Variants in STAC2 observed in about 807,000 individuals in gnomAD.
STAC2 encodes SH3 and cysteine rich domain 2.
Under a neutral mutation model 49.0 loss-of-function variants are expected in STAC2, and 36 were observed. That is an observed-to-expected ratio of 0.74 (90% CI 0.56 to 0.97). The LOEUF is 0.97. Ranked by LOEUF, STAC2 falls within the 50% of genes least tolerant of loss-of-function variation. The probability of loss-of-function intolerance (pLI) is 0.00; values close to 1 mark genes in which losing one functional copy is unlikely to be tolerated. For missense variants in STAC2, 527 were observed against 543.8 expected, an observed-to-expected ratio of 0.97 and a Z score of 0.31; for synonymous variants, 239 against 214.7, an observed-to-expected ratio of 1.11 and a Z score of -0.99.
At position 39,225,555 on chromosome 17, in the gene STAC2, C is replaced by T; in HGVS notation, c.-53G>A. 6.4e-6 allele frequency: 10 copies of T among 1,564,686 alleles called. No homozygotes were observed. The highest frequency in any genetic ancestry group is 7.9e-6 in the Non-Finnish European group (9 of 1,143,734). ...CCGAGATCCGACGGCAGGCCCACCG[C>T]GGGCAGGCTGCGGGTGGCGGGCGTC... is the stretch of plus-strand genomic sequence containing the variant. On this transcript the variant is annotated 5_prime_UTR_variant, in exon 1 of 11. Coordinates refer to ENST00000333461, the MANE Select transcript of STAC2 (RefSeq NM_198993.5). This position sits in a 1 kb window ranked among gnomAD's most constrained non-coding sequence, Gnocchi z 8.2.
chr17:39,218,182 A>G lies in STAC2; in HGVS notation c.91-9T>C, dbSNP rs1449376766. 2 of 1,613,146 alleles carry G rather than the reference A, an allele frequency of 1.2e-6. No homozygotes were observed. Among genetic ancestry groups the G allele is most frequent in the Non-Finnish European group, 1.7e-6 (2 of 1,179,976 alleles). ...CGCTTGAATCGCTGGAGCTGGGAGA[A>G]AAAGAGGGAGCTGTGAGTGGGAGCC... On this transcript the variant is annotated splice_polypyrimidine_tract_variant and intron_variant, in intron 1 of 10. Coordinates refer to ENST00000333461, the MANE Select transcript of STAC2 (RefSeq NM_198993.5).
Position 39,217,045 on chromosome 17 carries a change from G to T in STAC2, c.495+31C>A, listed in dbSNP as rs778947659. On this transcript the variant is annotated intron_variant, in intron 3 of 10. Transcript: ENST00000333461. The stretch of plus-strand genomic sequence containing the variant: ...CATGTGACAGTACTGGCAGCACTCA[G>T]CTGGCCATCTCTGCCTGGGTCCCCG... 6.2e-6 allele frequency: 10 copies of T among 1,610,686 alleles called. No individual in the cohort carries two copies. The East Asian group carries it at 2.2e-4, about 36-fold the overall frequency.
chr17:39,219,240 T>TTTCTCAATTCATTGAGAATTGAGAA (rs1250810852), intron 1 of STAC2, among the ~76,000 whole-genome samples: 3 of 149,978 alleles, frequency 2.0e-5, no homozygotes, highest in South Asian at 2.1e-4. Context: ...CAGAAACTCA[T>TTTCTCAATTCATTGAGAATTGAGAA]TTCTCAATTC....
chr17:39,225,399 GC>G lies in STAC2; in HGVS notation c.90+13del, dbSNP rs748877237. 28 of 1,594,454 alleles carry G rather than the reference GC, an allele frequency of 1.8e-5. No individual in the cohort carries two copies. The African/African-American group carries it at 3.3e-4, about 19-fold the overall frequency. On this transcript the variant is annotated intron_variant, in intron 1 of 10. Coordinates refer to ENST00000333461, the MANE Select transcript of STAC2 (RefSeq NM_198993.5). The surrounding 1 kb of genome is among the most constrained non-coding windows in gnomAD (Gnocchi z 8.2). ...GGCCCGGGGCGCGGACAGGCCTTGC[GC>G]CCCCCAAGTTACCTTGGTTTCCTGG...
chr17:39,210,999 A>G lies in STAC2; in HGVS notation c.*1293T>C, dbSNP rs910990075. On this transcript the variant is annotated 3_prime_UTR_variant, in exon 11 of 11. Transcript: ENST00000333461. Reference sequence around the variant, plus strand: ...TTTCCCAGGGCTCTGTGTCCAGAACAAGGGAGCAGATAAAGCCAGCAAAGG... The same window carrying G: ...TTTCCCAGGGCTCTGTGTCCAGAACGAGGGAGCAGATAAAGCCAGCAAAGG... The G allele has an allele frequency of 6.6e-6, 1 of 152,534 alleles. No individual in the cohort carries two copies. Among genetic ancestry groups the G allele is most frequent in the African/African-American group, 2.4e-5 (1 of 41,406 alleles). The allele number at this position is 152,534 out of a possible 1,614,324, so 9.4% of individuals were successfully genotyped here.
At position 39,213,548 on chromosome 17, in the gene STAC2, G is replaced by A. The variant is rs140834210; in HGVS notation, c.952C>T (p.Arg318Trp). ...TTAGAGTCATCCACCAGCATGATCCGATCTCCAGGCCTGGGGAGGACAGAG... is the reference window on the plus strand; with the variant it reads ...TTAGAGTCATCCACCAGCATGATCCAATCTCCAGGCCTGGGGAGGACAGAG... ...NNDLALQPGD[R>W]IMLVDDSNED... The change falls in exon 9 of 11, where the codon CGG becomes TGG. Residue 318 changes from arginine (R) to tryptophan (W), a missense_variant. Coordinates refer to ENST00000333461, the MANE Select transcript of STAC2 (RefSeq NM_198993.5). 3.3e-5 allele frequency: 54 copies of A among 1,613,758 alleles called. No individual in the cohort carries two copies. The highest frequency in any genetic ancestry group is 5.3e-5 in the African/African-American group (4 of 75,008).
At position 39,225,594 on chromosome 17, in the gene STAC2, A is replaced by G. The variant is rs1196652422; in HGVS notation, c.-92T>C. ...GTGGCGGGCGTCTCCGGGACTCTGA[A>G]GCCGTTCTCCAGAGGCTGCCCCCAG... On this transcript the variant is annotated 5_prime_UTR_variant, in exon 1 of 11. Transcript: ENST00000333461. This position sits in a 1 kb window ranked among gnomAD's most constrained non-coding sequence, Gnocchi z 8.2. 4.0e-6 allele frequency: 5 copies of G among 1,261,058 alleles called. No homozygotes were observed. In the African/African-American group the frequency reaches 6.0e-5, roughly 15 times the overall value. 78.1% of individuals were successfully genotyped at this position (1,261,058 alleles called of 1,614,324 possible).
rs1027896671 is a variant in STAC2 at position 39,211,050 on chromosome 17, C to G, written c.*1242G>C. On this transcript the variant is annotated 3_prime_UTR_variant, in exon 11 of 11. Transcript: ENST00000333461. The stretch of plus-strand genomic sequence containing the variant: ...GGCTCCTGCAGCACCTGCCCTGTCC[C>G]CTGCAGAGCCTGGAGAGAAGCAGGA... 2 of 152,508 alleles carry G rather than the reference C, an allele frequency of 1.3e-5. No homozygotes were observed. Among genetic ancestry groups the G allele is most frequent in the Non-Finnish European group, 2.9e-5 (2 of 68,170 alleles). The allele number at this position is 152,508 out of a possible 1,614,324, so 9.4% of individuals were successfully genotyped here.
rs748766908 is a variant in STAC2 at position 39,215,000 on chromosome 17, C to G, written c.723G>C (p.Glu241Asp). 1 of 1,614,102 alleles carries G rather than the reference C, an allele frequency of 6.2e-7. No individual in the cohort carries two copies. The highest frequency in any genetic ancestry group is 8.5e-7 in the Non-Finnish European group (1 of 1,180,000). Reference sequence around the variant, plus strand: ...AGCTGCGGATGCTGCCTTCCCCATCCTCGGTCAGCTCATCCCGCTCACTCT... The same window carrying G: ...AGCTGCGGATGCTGCCTTCCCCATCGTCGGTCAGCTCATCCCGCTCACTCT... ...RSLSERDELTEDGEGSIRSSE... is the reference protein window; with the variant it reads ...RSLSERDELTDDGEGSIRSSE... The change falls in exon 6 of 11, where the codon GAG becomes GAC. Residue 241 changes from glutamate (E) to aspartate (D), a missense_variant. Coordinates refer to ENST00000333461, the MANE Select transcript of STAC2 (RefSeq NM_198993.5).
At chr17:39,221,379 G>A (rs1025952359) in intron 1 of STAC2, among the ~76,000 whole-genome samples, 15 of 152,268 alleles carry the variant, frequency 9.9e-5, no homozygotes, top group African/African-American at 1.4e-4. Flanking sequence ...GATTACAGGC[G>A]TCAGCCACCG....
intron 1 of STAC2, among the ~76,000 whole-genome samples, chr17:39,220,044 G>C (rs1474446735): frequency 6.6e-6 from 1 of 152,226 alleles, no homozygotes; most frequent in Non-Finnish European, 1.5e-5. Flanking sequence ...GGCAGGCTCT[G>C]GTGTGCCAGT....
chr17:39,221,702 G>A (rs2046464212), intron 1 of STAC2, among the ~76,000 whole-genome samples: 1 of 152,194 alleles, frequency 6.6e-6, no homozygotes, highest in South Asian at 2.1e-4. Flanking sequence ...GCATCCTGCT[G>A]TGCTGAGCCC....
chr17:39,217,824 C>T (rs537465487), intron 2 of STAC2, 43 bp downstream of exon 2: 49 of 1,560,204 alleles, frequency 3.1e-5, no homozygotes, highest in East Asian at 4.8e-5. Context: ...CCAGTACCCA[C>T]GCTGGCCCCT....
At chr17:39,216,432 G>A (rs964786690) in intron 4 of STAC2, among the ~76,000 whole-genome samples, 5 of 152,216 alleles carry the variant, frequency 3.3e-5, no homozygotes, top group African/African-American at 1.2e-4. Context: ...CTGTGTCTCA[G>A]AGTCCAGCAC....
Position 39,210,654 on chromosome 17 carries a change from G to GT in STAC2, c.*1637_*1638insA, listed in dbSNP as rs927865340. On this transcript the variant is annotated 3_prime_UTR_variant, in exon 11 of 11. Coordinates refer to ENST00000333461, the MANE Select transcript of STAC2 (RefSeq NM_198993.5). ...CGCCCCTGGGATATTGCTGGGGGGG[G>GT]GGGCCTCATGGCAGCAAACAGGGCA... 6.6e-6 allele frequency: 1 copy of GT among 152,536 alleles called. No homozygotes were observed. 9.4% of individuals were successfully genotyped at this position (152,536 alleles called of 1,614,324 possible). A position where few individuals can be genotyped will look rare whatever the true frequency, so the allele number is the denominator to read the frequency against.
intron 4 of STAC2, among the ~76,000 whole-genome samples, chr17:39,215,801 T>G (rs2144236969): frequency 6.6e-6 from 1 of 152,288 alleles, no homozygotes; most frequent in East Asian, 1.9e-4. Flanking sequence ...CCTCCTGGGT[T>G]CAAGCAATTC....
In STAC2 at chr17:39,217,124, G is replaced by T; in HGVS notation, c.447C>A (p.His149Gln). The T allele has an allele frequency of 6.2e-7, 1 of 1,614,078 alleles. No homozygotes were observed. Among genetic ancestry groups the T allele is most frequent in the Non-Finnish European group, 8.5e-7 (1 of 1,179,998 alleles). ...GGGAGATCTCCTCAGAGCACCAGAG[G>T]TGGACGCTGACTTTGCACATCTTAC... The part of the protein sequence containing the change: ...LRCKMCKVSV[H>Q]LWCSEEISHQ... The change falls in exon 3 of 11, where the codon CAC becomes CAA. Residue 149 changes from histidine to glutamine, a missense_variant. Transcript: ENST00000333461.
At position 39,214,259 on chromosome 17, in the gene STAC2, G is replaced by C; in HGVS notation, c.915C>G (p.Pro305=). ...YSYVALYKFL[P]QENNDLALQP... is the part of the protein sequence containing the mutation. Reference sequence around the variant, plus strand: ...GCAGAGCCAGATCATTGTTCTCCTGGGGCAGAAACTTGTAGAGTGCAACGT... The same window carrying C: ...GCAGAGCCAGATCATTGTTCTCCTGCGGCAGAAACTTGTAGAGTGCAACGT... The change falls in exon 8 of 11, where the codon CCC becomes CCG. Residue 305 remains proline (P), a synonymous_variant. Transcript: ENST00000333461. 1 of 1,614,004 alleles carries C rather than the reference G, an allele frequency of 6.2e-7. No individual in the cohort carries two copies. Among genetic ancestry groups the C allele is most frequent in the Non-Finnish European group, 8.5e-7 (1 of 1,179,938 alleles).
chr17:39,217,195 C>A (rs760001506), intron 2 of STAC2, 22 bp from the exon 3 acceptor site: 1 of 1,608,690 alleles, frequency 6.2e-7, no homozygotes, highest in East Asian at 2.2e-5. Flanking sequence ...TTGGGTTCAG[C>A]AATTGAGGAC....
Sources: gnomAD v4.1 joint callset for allele counts (sites outside exome capture counted in the v4.1 genomes callset) on GRCh38, gnomAD v4.1.1 for gene constraint, Gnocchi (gnomAD v3.1) non-coding constraint, MANE v1.5 for transcripts, NCBI Gene and HGNC (gene_info 2026-07-23, HGNC 2026-07-21) for gene names.